Variants in PDZD7 observed in about 807,000 individuals in gnomAD.
PDZD7 encodes the protein PDZ domain-containing protein 7.
PDZD7 carries 72 observed loss-of-function variants against 84.7 expected under a neutral mutation model. That is an observed-to-expected ratio of 0.85 (90% CI 0.70 to 1.03). The LOEUF is 1.03. Among genes scored for constraint, PDZD7 ranks in the 50% least tolerant of loss-of-function variants. PDZD7 has a pLI of 0.00. For synonymous variants in PDZD7, 594 were observed against 580.7 expected, an observed-to-expected ratio of 1.02 and a Z score of -0.33; for missense variants, 1,490 against 1,412.9, an observed-to-expected ratio of 1.05 and a Z score of -0.87.
At position 101,030,292 on chromosome 10, in the gene PDZD7, G is replaced by A. The variant is rs1408615810; in HGVS notation, c.-73C>T. On this transcript the variant is annotated 5_prime_UTR_variant, in exon 2 of 17. Transcript: ENST00000619208. ...AGCTCTGGAGAGGCCAGCCCTGCGTGCTTCGAGCTCCATGAGCCTCTGTGC... is the reference window on the plus strand; with the variant it reads ...AGCTCTGGAGAGGCCAGCCCTGCGTACTTCGAGCTCCATGAGCCTCTGTGC... 1.5e-6 allele frequency: 2 copies of A among 1,340,154 alleles called. No individual in the cohort carries two copies. Among genetic ancestry groups the A allele is most frequent in the East Asian group, 5.0e-5 (2 of 40,278 alleles). The allele number at this position is 1,340,154 out of a possible 1,614,324, so 83.0% of individuals were successfully genotyped here.
Position 101,012,235 on chromosome 10 carries a change from C to G in PDZD7, c.1773G>C (p.Glu591Asp). ...TGGCCAGCAGGGGCCTCACCAGGTC[C>G]TCTATGCCTCCCTCGTGCACATACT... is the stretch of plus-strand genomic sequence containing the variant. ...CSRYVHEGGI[E>D]DLVRPLLAIL... Residue 591 changes from glutamate (E) to aspartate (D), a missense_variant, in exon 12 of 17, where the codon GAG (glutamate) becomes GAC (aspartate). Physicochemically the swap from Glu to Asp is conservative, Grantham distance 45. Transcript: ENST00000619208. 6.5e-7 allele frequency: 1 copy of G among 1,550,314 alleles called. No individual in the cohort carries two copies. Among genetic ancestry groups the G allele is most frequent in the Non-Finnish European group, 8.7e-7 (1 of 1,146,974 alleles).
In PDZD7 at chr10:101,008,803, C is replaced by T. The variant is rs1285737020; in HGVS notation, c.2766G>A (p.Val922=). Residue 922 remains valine, a synonymous_variant, in exon 17 of 17, where the codon GTG becomes GTA. Coordinates refer to ENST00000619208, the MANE Select transcript of PDZD7 (RefSeq NM_001195263.2). ...TGGTGTCTACTGCACGCTGGTGGGT[C>T]ACCTGCTCTAGATTCTCTCCGTCCA... ...VAVDGENLEQ[V]THQRAVDTIR... 2.6e-6 allele frequency: 4 copies of T among 1,528,026 alleles called. No homozygotes were observed. Among genetic ancestry groups the T allele is most frequent in the Non-Finnish European group, 8.8e-7 (1 of 1,141,110 alleles). 94.7% of individuals were successfully genotyped at this position (1,528,026 alleles called of 1,614,324 possible).
intron 9 of PDZD7, chr10:101,017,851 G>GAAAGAAAT: frequency 3.1e-6 from 1 of 323,610 alleles, no homozygotes; most frequent in Non-Finnish European, 5.2e-6. Flanking sequence ...AAGAAAGAAA[G>GAAAGAAAT]AAAGAAAGAA....
intron 15 of PDZD7, 126 bp downstream of exon 15, chr10:101,010,145 TC>T (rs759213528): frequency 4.2e-4 from 524 of 1,235,976 alleles, no homozygotes; most frequent in Admixed American, 9.6e-4. Flanking sequence ...TCCGCCTGCC[TC>T]AGCCTCCCAA....
chr10:101,022,154 A>G, intron 5 of PDZD7, 55 bp downstream of exon 5: 1 of 1,605,590 alleles, frequency 6.2e-7, no homozygotes, highest in Non-Finnish European at 8.5e-7. Flanking sequence ...CCTAGGCCCC[A>G]CTCCAGACCC....
Position 101,021,956 on chromosome 10 carries a change from ACAGGCGTCAGT to A in PDZD7, c.720-22_720-12del. On this transcript the variant is annotated splice_polypyrimidine_tract_variant and intron_variant, in intron 5 of 16. Transcript: ENST00000619208. Reference sequence around the variant, plus strand: ...CCACCATGGTCCACTCTGAGGCCAGACAGGCGTCAGTCTGATAGGCCCCTGGCCTGCCCTCC... The same window carrying A: ...CCACCATGGTCCACTCTGAGGCCAGACTGATAGGCCCCTGGCCTGCCCTCC... 1 of 1,614,074 alleles carries A rather than the reference ACAGGCGTCAGT, an allele frequency of 6.2e-7. No individual in the cohort carries two copies. Among genetic ancestry groups the A allele is most frequent in the South Asian group, 1.1e-5 (1 of 91,072 alleles).
rs912588049 is a variant in PDZD7 at position 101,019,169 on chromosome 10, G to A, written c.977C>T (p.Ser326Phe). 5.8e-6 allele frequency: 9 copies of A among 1,538,508 alleles called. No individual in the cohort carries two copies. The highest frequency in any genetic ancestry group is 1.2e-5 in the South Asian group (1 of 84,208). ...QQLSPASESSSSVSSCASSAP... is the reference protein window; with the variant it reads ...QQLSPASESSFSVSSCASSAP... ...GCTGGAGGCGCACGAAGAGACGCTG[G>A]AGCTGCTCTCAGAGGCCGGGGACAG... The change falls in exon 8 of 17, where the codon TCC (serine) becomes TTC (phenylalanine). Residue 326 changes from serine to phenylalanine, a missense_variant. Coordinates refer to ENST00000619208, the MANE Select transcript of PDZD7 (RefSeq NM_001195263.2).
chr10:101,030,014 A>G lies in PDZD7; in HGVS notation c.206T>C (p.Leu69Pro), dbSNP rs765515973. The G allele has an allele frequency of 1.4e-4, 193 of 1,408,568 alleles. No homozygotes were observed. The highest frequency in any genetic ancestry group is 1.8e-4 in the Non-Finnish European group (186 of 1,051,442). 87.3% of individuals were successfully genotyped at this position (1,408,568 alleles called of 1,614,324 possible). The change falls in exon 2 of 17, where the codon CTC (leucine) becomes CCC (proline). Residue 69 changes from leucine (L) to proline (P), a missense_variant. Coordinates refer to ENST00000619208, the MANE Select transcript of PDZD7 (RefSeq NM_001195263.2). The stretch of plus-strand genomic sequence containing the variant: ...CCTACCTTCGATGGGGGAGTTGATG[A>G]GGATGACGCGTCCCATGGGCGATGA... ...RASSPMGRVILINSPIEANSD... is the reference protein window; with the variant it reads ...RASSPMGRVIPINSPIEANSD...
chr10:101,021,038 C>A (rs1472550634), intron 6 of PDZD7, among the ~76,000 whole-genome samples: 3 of 152,164 alleles, frequency 2.0e-5, no homozygotes, highest in African/African-American at 7.2e-5. Flanking sequence ...CTGTTGCAGC[C>A]CCAGTACCTG....
intron 7 of PDZD7, 27 bp from the exon 8 acceptor site, chr10:101,019,244 C>T (rs1457618702): frequency 6.5e-7 from 1 of 1,535,096 alleles, no homozygotes; most frequent in Non-Finnish European, 8.7e-7. Context: ...AGCCAGGGAT[C>T]AGCGGGCTTG....
chr10:101,008,105 C>G lies in PDZD7; in HGVS notation c.*362G>C. ...TGGATGCATTGACCCCTTCAGGGCC[C>G]TGTCTGAGAGTCTGTGTCCCTGGAG... is the stretch of plus-strand genomic sequence containing the variant. On this transcript the variant is annotated 3_prime_UTR_variant, in exon 17 of 17. Coordinates refer to ENST00000619208, the MANE Select transcript of PDZD7 (RefSeq NM_001195263.2). 3.3e-6 allele frequency: 1 copy of G among 305,198 alleles called. No homozygotes were observed. Among genetic ancestry groups the G allele is most frequent in the South Asian group, 9.8e-5 (1 of 10,236 alleles). The allele number at this position is 305,198 out of a possible 1,614,324, so 18.9% of individuals were successfully genotyped here.
rs1192819099 is a variant in PDZD7, at chr10:101,011,759, G to A, written c.1936C>T (p.Arg646Trp). Residue 646 changes from arginine (R) to tryptophan (W), a missense_variant and splice_region_variant, in exon 14 of 17, where the codon CGG (arginine) becomes TGG (tryptophan). By Grantham distance (101) the Arg-to-Trp change is moderately radical (BLOSUM62 -3). Transcript: ENST00000619208. ...AFEALKSRAV[R>W]PPALRPARQD... ...CGGGCTGGTCTCAAAGCAGGAGGCCGGACTGGTTGGAGAGATGAACAGGTC... is the reference window on the plus strand; with the variant it reads ...CGGGCTGGTCTCAAAGCAGGAGGCCAGACTGGTTGGAGAGATGAACAGGTC... 2.6e-5 allele frequency: 41 copies of A among 1,549,468 alleles called. No individual in the cohort carries two copies. The highest frequency in any genetic ancestry group is 3.6e-5 in the Non-Finnish European group (41 of 1,147,008).
intron 11 of PDZD7, 138 bp downstream of exon 11, chr10:101,015,498 A>G (rs1852578355): frequency 1.1e-6 from 1 of 915,540 alleles, no homozygotes. Flanking sequence ...GTGTGACAGG[A>G]GTGACTTCTG....
At chr10:101,011,496 TTAAG>T in intron 14 of PDZD7, 190 bp downstream of exon 14, 2 of 1,406,208 alleles carry the variant, frequency 1.4e-6, no homozygotes, top group South Asian at 3.2e-5. Context: ...AAACCAACTA[TTAAG>T]TAATAGTACA....
intron 10 of PDZD7, 59 bp from the exon 11 acceptor site, chr10:101,015,870 C>T: frequency 6.7e-7 from 1 of 1,492,630 alleles, no homozygotes. Context: ...GGGCTGGGCC[C>T]CAGAATTGGC....
intron 16 of PDZD7, 115 bp downstream of exon 16, chr10:101,009,132 GCCT>G (rs1852310659): frequency 1.0e-6 from 1 of 979,792 alleles, no homozygotes; most frequent in Non-Finnish European, 1.5e-6. Flanking sequence ...CTCACCCCAA[GCCT>G]CCTCCCACAA....
At position 101,008,514 on chromosome 10, in the gene PDZD7, G is replaced by T; in HGVS notation, c.3055C>A (p.Leu1019Ile). ...GCGGGCTTAGAATCAGGAGTCTGGA[G>T]GGCTGGGGAGGGGGCTGGGCTGGGA... The part of the protein sequence containing the change: ...PTPSPAPSPA[L>I]QTPDSKPAPS... Residue 1019 changes from leucine (L) to isoleucine (I), a missense_variant, in exon 17 of 17, where the codon CTC becomes ATC. Leu to Ile is a conservative substitution (Grantham distance 5). Transcript: ENST00000619208. 6.5e-7 allele frequency: 1 copy of T among 1,533,570 alleles called. No homozygotes were observed. 95.0% of individuals were successfully genotyped at this position (1,533,570 alleles called of 1,614,324 possible).
rs1428647530 is a variant in PDZD7 at position 101,022,103 on chromosome 10, G to A, written c.719+106C>T. 3 of 1,562,486 alleles carry A rather than the reference G, an allele frequency of 1.9e-6. No individual in the cohort carries two copies. In the Admixed American group the frequency reaches 5.3e-5, roughly 28 times the overall value. ...CTCCCAGGCCCTCACTGAGACAGGTGGTTGGCCAGGCCTCACTTGCTGACC... is the reference window on the plus strand; with the variant it reads ...CTCCCAGGCCCTCACTGAGACAGGTAGTTGGCCAGGCCTCACTTGCTGACC... On this transcript the variant is annotated intron_variant, in intron 5 of 16. Coordinates refer to ENST00000619208, the MANE Select transcript of PDZD7 (RefSeq NM_001195263.2).
intron 14 of PDZD7, 80 bp from the exon 15 acceptor site, chr10:101,010,963 G>A (rs1183765022): frequency 1.8e-5 from 27 of 1,529,220 alleles, no homozygotes; most frequent in Non-Finnish European, 2.1e-5. Context: ...TGTGGGGCCT[G>A]TGAGAGCCAG....
Sources: gnomAD v4.1 joint callset for allele counts (sites outside exome capture counted in the v4.1 genomes callset) on GRCh38, gnomAD v4.1.1 for gene constraint, MANE v1.5 for transcripts, NCBI Gene and HGNC (gene_info 2026-07-23, HGNC 2026-07-21) for gene names.